The following ZBTB46 variants were observed in gnomAD, a reference collection of about 807,000 sequenced individuals.
ZBTB46 encodes the protein zinc finger and BTB domain containing 46, also known as zinc finger and BTB domain-containing protein 46.
A neutral mutation model predicts 44.1 loss-of-function variants in ZBTB46; 8 were observed. The ratio of observed to expected loss-of-function variants is 0.18; its 90% CI spans 0.11 to 0.33. The LOEUF (loss-of-function observed/expected upper bound fraction) is 0.33, where lower values mean the gene tolerates loss of function less well. Among genes scored for constraint, ZBTB46 ranks in the 10% least tolerant of loss-of-function variants. The pLI is 1.00. For synonymous variants in ZBTB46, 409 were observed against 382.3 expected, an observed-to-expected ratio of 1.07 and a Z score of -0.81; for missense variants, 651 against 847.7, an observed-to-expected ratio of 0.77 and a Z score of 2.88.
At chr20:63,807,674 C>T (rs890211593) in intron 1 of ZBTB46, among the ~76,000 whole-genome samples, 6 of 152,238 alleles carry the variant, frequency 3.9e-5, no homozygotes, top group Admixed American at 3.3e-4. Context: ...AACATTTTGC[C>T]GCATTTGTTT....
rs141570907 is a variant in ZBTB46 at position 63,813,689 on chromosome 20, A to G, written c.-34+17408T>C. Among the ~76,000 whole-genome samples, 486 of 152,288 alleles carry G rather than the reference A, an allele frequency of 3.2e-3. 2 individuals are homozygous for G. Among genetic ancestry groups the G allele is most frequent in the African/African-American group, 0.011 (443 of 41,568 alleles). ...ACCAAAACTGATCCTTCAGCAAATA[A>G]GTAGCATGAAACAGAGAGAAGAAAC... On this transcript the variant is annotated intron_variant, in intron 1 of 4. Coordinates refer to ENST00000245663, the MANE Select transcript of ZBTB46 (RefSeq NM_001369741.1).
At chr20:63,782,460 G>A (rs576708535) in intron 2 of ZBTB46, among the ~76,000 whole-genome samples, 20 of 152,314 alleles carry the variant, frequency 1.3e-4, no homozygotes, top group Non-Finnish European at 2.2e-4. Context: ...AGGGGATGCA[G>A]CCCTGCCGGC....
chr20:63,797,835 C>T (rs1033009458), intron 1 of ZBTB46, among the ~76,000 whole-genome samples: 2 of 152,178 alleles, frequency 1.3e-5, no homozygotes, highest in Non-Finnish European at 2.9e-5. Context: ...CCTTTGCCCA[C>T]TTTTTGATGG....
intron 1 of ZBTB46, among the ~76,000 whole-genome samples, chr20:63,799,982 C>A (rs182790893): frequency 6.6e-6 from 1 of 152,174 alleles, no homozygotes; most frequent in Non-Finnish European, 1.5e-5. Context: ...CAGACTCATG[C>A]GTGAACGTTC....
intron 1 of ZBTB46, among the ~76,000 whole-genome samples, chr20:63,821,348 T>C (rs567563783): frequency 6.6e-6 from 1 of 151,832 alleles, no homozygotes; most frequent in East Asian, 1.9e-4. Context: ...AGAGAGGGTC[T>C]TGCTGTGTTG....
chr20:63,822,758 C>T (rs1280435029), intron 1 of ZBTB46, among the ~76,000 whole-genome samples: 4 of 152,096 alleles, frequency 2.6e-5, no homozygotes, highest in African/African-American at 7.2e-5. Context: ...TCACACCTGT[C>T]GTCCCAGCAC....
At chr20:63,751,366 G>C (rs2092160122) in intron 4 of ZBTB46, among the ~76,000 whole-genome samples, 1 of 152,186 alleles carries the variant, frequency 6.6e-6, no homozygotes, top group East Asian at 1.9e-4. Flanking sequence ...CATCAGGGAA[G>C]GCCAGAGCCC....
At chr20:63,796,828 AAAAAT>A (rs1033314240) in intron 1 of ZBTB46, among the ~76,000 whole-genome samples, 7 of 152,084 alleles carry the variant, frequency 4.6e-5, no homozygotes, top group Admixed American at 6.6e-5. Context: ...TCCATCTCAA[AAAAAT>A]AAAATAAAAT....
intron 1 of ZBTB46, among the ~76,000 whole-genome samples, chr20:63,816,047 T>TGCAGGTGCGGTGGGC (rs1248160744): frequency 8.8e-6 from 1 of 114,246 alleles, no homozygotes; most frequent in Non-Finnish European, 1.7e-5. Context: ...GTGCGGTGGG[T>TGCAGGTGCGGTGGGC]GCAGGTGCGG....
chr20:63,755,122 C>T (rs1313136934), intron 3 of ZBTB46, among the ~76,000 whole-genome samples: 3 of 152,228 alleles, frequency 2.0e-5, no homozygotes, highest in South Asian at 2.1e-4. Flanking sequence ...ATAAACGCCA[C>T]GGACCCAGGG....
At position 63,744,682 on chromosome 20, in the gene ZBTB46, CTG is replaced by C. The variant is rs2092071797; in HGVS notation, c.*2246_*2247del. ...AATCCCACACTCTTCAGTCGGCAAACTGCGAACAAGAACAGGAAATCTGCCAC... is the reference window on the plus strand; with the variant it reads ...AATCCCACACTCTTCAGTCGGCAAACCGAACAAGAACAGGAAATCTGCCAC... On this transcript the variant is annotated 3_prime_UTR_variant, in exon 5 of 5. Transcript: ENST00000245663. 6.6e-6 allele frequency: 1 copy of C among 152,396 alleles called. No homozygotes were observed. The highest frequency in any genetic ancestry group is 2.1e-4 in the South Asian group (1 of 4,836). 9.4% of individuals were successfully genotyped at this position (152,396 alleles called of 1,614,324 possible).
intron 2 of ZBTB46, among the ~76,000 whole-genome samples, chr20:63,776,709 C>A (rs937756549): frequency 6.6e-6 from 1 of 151,494 alleles, no homozygotes; most frequent in African/African-American, 2.4e-5. Flanking sequence ...TAGGCTGCGG[C>A]AGGAGAATCG....
At chr20:63,801,638 G>C (rs962611865) in intron 1 of ZBTB46, among the ~76,000 whole-genome samples, 1 of 152,176 alleles carries the variant, frequency 6.6e-6, no homozygotes, top group Non-Finnish European at 1.5e-5. Context: ...GTGAAGGTCT[G>C]CAGCTTCACT....
intron 1 of ZBTB46, among the ~76,000 whole-genome samples, chr20:63,794,470 G>T (rs941345926): frequency 6.6e-6 from 1 of 152,104 alleles, no homozygotes; most frequent in Admixed American, 6.5e-5. Flanking sequence ...TGGAATTACA[G>T]GCGTGAACCA....
chr20:63,779,405 AATTTTT>A (rs2092450996), intron 2 of ZBTB46, among the ~76,000 whole-genome samples: 1 of 78,206 alleles, frequency 1.3e-5, no homozygotes, highest in Non-Finnish European at 2.3e-5. Flanking sequence ...CACGCCGGCT[AATTTTT>A]TTTTTTTTTT....
chr20:63,747,197 G>A lies in ZBTB46; in HGVS notation c.1503C>T (p.Cys501=), dbSNP rs1489083457. ...CCATGCCGCGGCCAGCACAGTCGGT[G>A]CACACACCGTGGCGCCTGGAGCCAT... ...IRHGSRRHGV[C]TDCAGRGMAG... is the part of the protein sequence containing the mutation. Residue 501 remains cysteine (C), a synonymous_variant, in exon 5 of 5, where the codon TGC becomes TGT. Transcript: ENST00000245663. The A allele has an allele frequency of 5.0e-6, 8 of 1,606,502 alleles. No individual in the cohort carries two copies. Among genetic ancestry groups the A allele is most frequent in the Non-Finnish European group, 6.8e-6 (8 of 1,177,040 alleles).
rs977571761 is a variant in ZBTB46 at position 63,803,024 on chromosome 20, C to T, written c.-33-12234G>A. Among the ~76,000 whole-genome samples, 88 of 152,270 alleles carry T rather than the reference C, an allele frequency of 5.8e-4. No homozygotes were observed. Among genetic ancestry groups the T allele is most frequent in the African/African-American group, 2.0e-3 (84 of 41,566 alleles). ...ACGCCCCGTTTCTACCACCAAAGAG[C>T]GCGATGCCACAGACGCCAACAGGAG... On this transcript the variant is annotated intron_variant, in intron 1 of 4. Transcript: ENST00000245663. The surrounding 1 kb of genome is among the most constrained non-coding windows in gnomAD (Gnocchi z 4.0).
chr20:63,833,666 G>A (rs1045236232), upstream of ZBTB46, among the ~76,000 whole-genome samples: 3 of 152,118 alleles, frequency 2.0e-5, no homozygotes, highest in African/African-American at 7.2e-5. Flanking sequence ...CCTCTCACCT[G>A]GGAGCCCCAC....
At position 63,822,683 on chromosome 20, in the gene ZBTB46, G is replaced by A. The variant is rs113987654; in HGVS notation, c.-34+8414C>T. Among the ~76,000 whole-genome samples the A allele has an allele frequency of 6.3e-3, 955 of 152,232 alleles. 7 individuals carry two copies. Among genetic ancestry groups the A allele is most frequent in the African/African-American group, 0.021 (856 of 41,538 alleles). ...AGGACACGGCCAACCCGGCAAGCAC[G>A]AAAACATGAGAGTGAAGCCTACAGT... is the stretch of plus-strand genomic sequence containing the variant. On this transcript the variant is annotated intron_variant, in intron 1 of 4. Coordinates refer to ENST00000245663, the MANE Select transcript of ZBTB46 (RefSeq NM_001369741.1).
Sources: gnomAD v4.1 joint callset for allele counts (sites outside exome capture counted in the v4.1 genomes callset) on GRCh38, gnomAD v4.1.1 for gene constraint, Gnocchi (gnomAD v3.1) non-coding constraint, MANE v1.5 for transcripts, NCBI Gene and HGNC (gene_info 2026-07-23, HGNC 2026-07-21) for gene names.